The following GRM7 variants were observed in gnomAD, a reference collection of about 807,000 sequenced individuals.
GRM7 encodes glutamate metabotropic receptor 7.
GRM7 carries 35 observed loss-of-function variants against 84.5 expected under a neutral mutation model. The ratio of observed to expected loss-of-function variants is 0.41; its 90% CI spans 0.32 to 0.55. The LOEUF is 0.55. Among genes scored for constraint, GRM7 ranks in the 20% least tolerant of loss-of-function variants. The pLI, the probability that GRM7 is intolerant of heterozygous loss-of-function variation, is 0.19. For missense variants in GRM7, 1,003 were observed against 1,194.6 expected (o/e 0.84, Z 2.36); for synonymous variants, 487 against 455.1 (o/e 1.07, Z -0.89).
At chr3:6,991,438 A>G (rs530056872) in intron 1 of GRM7, among the ~76,000 whole-genome samples, 1 of 152,322 alleles carries the variant, frequency 6.6e-6, no homozygotes, top group African/African-American at 2.4e-5. Flanking sequence ...CAAATTTAGT[A>G]TTCGAAGCAA....
intron 2 of GRM7, among the ~76,000 whole-genome samples, chr3:7,209,830 G>C (rs1009241461): frequency 6.6e-6 from 1 of 152,106 alleles, no homozygotes; most frequent in South Asian, 2.1e-4. Flanking sequence ...GGCCTTAAAG[G>C]GTAATTTTTA....
intron 1 of GRM7, among the ~76,000 whole-genome samples, chr3:7,013,004 C>T (rs73128595): frequency 0.02 from 3,085 of 152,076 alleles, 96 homozygotes; most frequent in African/African-American, 0.071. Flanking sequence ...CCTTCCAATA[C>T]GCCGGGATTA....
At chr3:7,007,884 A>C (rs1695233678) in intron 1 of GRM7, among the ~76,000 whole-genome samples, 1 of 152,188 alleles carries the variant, frequency 6.6e-6, no homozygotes, top group South Asian at 2.1e-4. Context: ...TTTACCCATT[A>C]ACTGACTGTT....
At chr3:7,384,771 C>G (rs1694720748) in intron 4 of GRM7, among the ~76,000 whole-genome samples, 1 of 152,150 alleles carries the variant, frequency 6.6e-6, no homozygotes, top group African/African-American at 2.4e-5. Context: ...AGTCACAAAT[C>G]AGTTTAGCTC....
intron 1 of GRM7, among the ~76,000 whole-genome samples, chr3:7,008,435 A>G (rs1218793810): frequency 2.0e-5 from 3 of 152,232 alleles, no homozygotes; most frequent in Non-Finnish European, 4.4e-5. Context: ...GGAGGCCTTT[A>G]CACTTACTAC....
At chr3:7,632,818 T>C (rs1697915320) in intron 8 of GRM7, among the ~76,000 whole-genome samples, 1 of 152,166 alleles carries the variant, frequency 6.6e-6, no homozygotes, top group African/African-American at 2.4e-5. Context: ...GCAATGAAAA[T>C]TTGCATTTAA....
At chr3:7,253,915 T>G in intron 2 of GRM7, among the ~76,000 whole-genome samples, 1 of 152,132 alleles carries the variant, frequency 6.6e-6, no homozygotes, top group Admixed American at 6.5e-5. Context: ...GACAGAAGAG[T>G]TAGTGCTGCC....
At chr3:7,008,503 A>G (rs957198209) in intron 1 of GRM7, among the ~76,000 whole-genome samples, 1 of 152,232 alleles carries the variant, frequency 6.6e-6, no homozygotes, top group Non-Finnish European at 1.5e-5. Context: ...AACCAGGAGA[A>G]AGTTGCTGAG....
chr3:7,133,111 T>C (rs879515624), intron 1 of GRM7, among the ~76,000 whole-genome samples: 1 of 152,174 alleles, frequency 6.6e-6, no homozygotes, highest in Non-Finnish European at 1.5e-5. Context: ...GTTGTCATTG[T>C]GCATTCTACT....
intron 8 of GRM7, among the ~76,000 whole-genome samples, chr3:7,652,367 G>A (rs955453839): frequency 2.0e-5 from 3 of 152,202 alleles, no homozygotes; most frequent in Non-Finnish European, 2.9e-5. Context: ...GAAGGAAAGA[G>A]AGGGCCACTT....
chr3:7,040,582 C>T (rs192411828), intron 1 of GRM7, among the ~76,000 whole-genome samples: 3 of 152,018 alleles, frequency 2.0e-5, no homozygotes, highest in African/African-American at 7.2e-5. Flanking sequence ...GGATTACAGG[C>T]ATGAGCCACC....
intron 2 of GRM7, among the ~76,000 whole-genome samples, chr3:7,226,140 C>T (rs1696973898): frequency 6.6e-6 from 1 of 152,108 alleles, no homozygotes; most frequent in Non-Finnish European, 1.5e-5. Flanking sequence ...AATTTTAGAG[C>T]AGGTCTATTC....
chr3:7,204,269 G>T (rs1407352237), intron 2 of GRM7, among the ~76,000 whole-genome samples: 1 of 152,156 alleles, frequency 6.6e-6, no homozygotes, highest in Non-Finnish European at 1.5e-5. Flanking sequence ...AAAGTTCAGA[G>T]GAGGAGAGAT....
At chr3:7,026,409 T>C (rs1276161717) in intron 1 of GRM7, among the ~76,000 whole-genome samples, 1 of 152,206 alleles carries the variant, frequency 6.6e-6, no homozygotes, top group Non-Finnish European at 1.5e-5. Flanking sequence ...CTCTTTGAGG[T>C]CCCCATCACT....
intron 2 of GRM7, among the ~76,000 whole-genome samples, chr3:7,247,963 A>G (rs148089090): frequency 0.027 from 4,108 of 152,218 alleles, 80 homozygotes; most frequent in Non-Finnish European, 0.042. Context: ...AGCAACAATA[A>G]CAAGAAACCA....
intron 4 of GRM7, among the ~76,000 whole-genome samples, chr3:7,362,875 C>A (rs929493180): frequency 6.6e-6 from 1 of 152,058 alleles, no homozygotes; most frequent in Admixed American, 6.6e-5. Context: ...CAGCTGTAAT[C>A]CCAGCAATTT....
At chr3:7,615,147 C>G (rs1697025852) in intron 8 of GRM7, among the ~76,000 whole-genome samples, 1 of 152,056 alleles carries the variant, frequency 6.6e-6, no homozygotes, top group Admixed American at 6.6e-5. Context: ...TGTATGCATA[C>G]ATGAGTATAT....
At chr3:7,380,718 C>T (rs947852829) in intron 4 of GRM7, among the ~76,000 whole-genome samples, 1 of 152,132 alleles carries the variant, frequency 6.6e-6, no homozygotes, top group African/African-American at 2.4e-5. Context: ...TTCTAACTAT[C>T]CTGAAGGTAG....
Position 7,089,245 on chromosome 3 carries a change from G to T in GRM7, c.520-57207G>T, listed in dbSNP as rs148401264. 2.6e-4 allele frequency among the ~76,000 whole-genome samples: 39 copies of T among 152,192 alleles called. No homozygotes were observed. In the East Asian group the frequency reaches 5.4e-3, roughly 21 times the overall value. Reference sequence around the variant, plus strand: ...AGAAGAGAAAATAGGATAAAGAAATGTTATACATAAAATATCAAGTCATAA... The same window carrying T: ...AGAAGAGAAAATAGGATAAAGAAATTTTATACATAAAATATCAAGTCATAA... On this transcript the variant is annotated intron_variant, in intron 1 of 9. Coordinates refer to ENST00000357716, the MANE Select transcript of GRM7 (RefSeq NM_000844.4).
Sources: allele counts gnomAD v4.1 joint callset (sites outside exome capture counted in the v4.1 genomes callset), GRCh38; gene constraint gnomAD v4.1.1; transcripts MANE v1.5; gene names NCBI Gene and HGNC (gene_info 2026-07-23, HGNC 2026-07-21).